RHBDL2: variants seen among roughly 807,000 people sequenced by gnomAD.
The protein encoded by RHBDL2 is rhomboid like 2.
A neutral mutation model predicts 31.7 loss-of-function variants in RHBDL2; 26 were observed. The ratio of observed to expected loss-of-function variants is 0.82; its 90% CI spans 0.60 to 1.14. RHBDL2 has a LOEUF of 1.14. Ranked by LOEUF, RHBDL2 falls within the 50% of genes most tolerant of loss-of-function variation. The pLI is 0.00. For synonymous variants in RHBDL2, 123 were observed against 127.2 expected (o/e 0.97, Z 0.22); for missense variants, 336 against 364.4 (o/e 0.92, Z 0.63).
chr1:38,886,456 T>A lies in RHBDL2; in HGVS notation c.*48A>T. On this transcript the variant is annotated 3_prime_UTR_variant, in exon 8 of 8. Transcript: ENST00000372990. ...TCATAGAGTCTTCCTTTTTTTTTTA[T>A]TTCCTCCAGATGGCTCTTTTTATTA... is the stretch of plus-strand genomic sequence containing the variant. 7.4e-7 allele frequency: 1 copy of A among 1,353,142 alleles called. No individual in the cohort carries two copies. Among genetic ancestry groups the A allele is most frequent in the Non-Finnish European group, 9.9e-7 (1 of 1,009,822 alleles). 83.8% of individuals were successfully genotyped at this position (1,353,142 alleles called of 1,614,324 possible).
intron 6 of RHBDL2, among the ~76,000 whole-genome samples, chr1:38,891,244 G>A: frequency 8.2e-6 from 1 of 121,956 alleles, no homozygotes. Flanking sequence ...CTGGGCAACA[G>A]AGCGAGACTC....
chr1:38,935,207 T>C (rs887966004), intron 1 of RHBDL2, among the ~76,000 whole-genome samples: 1 of 152,142 alleles, frequency 6.6e-6, no homozygotes, highest in Non-Finnish European at 1.5e-5. Context: ...TCAAACCAAT[T>C]AGCCAAATCA....
In RHBDL2 at chr1:38,940,523, C is replaced by T. The variant is rs1396244252; in HGVS notation, c.-126+1159G>A. ...CTTCCCTCTCCCTTCACCACTCCAC[C>T]CGTCACTGGCCAGTTCTGTTTACAC... On this transcript the variant is annotated intron_variant, in intron 1 of 7. Transcript: ENST00000372990. 2.6e-5 allele frequency among the ~76,000 whole-genome samples: 4 copies of T among 152,268 alleles called. No homozygotes were observed. In the East Asian group the frequency reaches 7.7e-4, roughly 29 times the overall value.
chr1:38,936,172 G>A (rs1176351644), intron 1 of RHBDL2, among the ~76,000 whole-genome samples: 2 of 152,020 alleles, frequency 1.3e-5, no homozygotes, highest in African/African-American at 2.4e-5. Flanking sequence ...CTAAGTGCTG[G>A]GATTGGAGGA....
intron 4 of RHBDL2, among the ~76,000 whole-genome samples, chr1:38,902,753 A>G (rs571086858): frequency 2.6e-4 from 40 of 151,812 alleles, no homozygotes; most frequent in African/African-American, 9.2e-4. Flanking sequence ...GGGTTTAACC[A>G]TGTTGCCCAG....
intron 1 of RHBDL2, among the ~76,000 whole-genome samples, chr1:38,927,966 T>G (rs1387648440): frequency 6.6e-6 from 1 of 152,078 alleles, no homozygotes; most frequent in South Asian, 2.1e-4. Context: ...AGCCCCCACA[T>G]GTTCCACAGC....
chr1:38,922,856 C>T (rs1365082130), intron 1 of RHBDL2, among the ~76,000 whole-genome samples: 1 of 152,126 alleles, frequency 6.6e-6, no homozygotes, highest in Non-Finnish European at 1.5e-5. Flanking sequence ...CTTTGGGAGG[C>T]CGAGGTCGGT....
intron 2 of RHBDL2, among the ~76,000 whole-genome samples, chr1:38,916,869 C>CAA (rs71057164): frequency 1.8e-3 from 199 of 113,320 alleles, no homozygotes; most frequent in South Asian, 8.0e-3. Flanking sequence ...GACTCCATCT[C>CAA]AAAAAAAAAA....
At chr1:38,921,986 T>C in intron 1 of RHBDL2, among the ~76,000 whole-genome samples, 1 of 152,246 alleles carries the variant, frequency 6.6e-6, no homozygotes, top group East Asian at 1.9e-4. Context: ...TTGTTAACAA[T>C]ACAACTGTAT....
intron 4 of RHBDL2, 69 bp downstream of exon 4, chr1:38,911,253 G>T: frequency 2.0e-6 from 2 of 1,005,842 alleles, no homozygotes; most frequent in Non-Finnish European, 3.1e-6. Flanking sequence ...TACTATAAGT[G>T]TGTATTTCAT....
At position 38,886,509 on chromosome 1, in the gene RHBDL2, T is replaced by A; in HGVS notation, c.907A>T (p.Asn303Tyr). 2 of 1,577,072 alleles carry A rather than the reference T, an allele frequency of 1.3e-6. No individual in the cohort carries two copies. Among genetic ancestry groups the A allele is most frequent in the South Asian group, 2.3e-5 (2 of 86,006 alleles). ...VFFNIFLSPA[N>Y] ...TGACTTACAATAGGGGCAGGTCAGTTTGCTGGAGATAGGAAAATGTTGAAA... is the reference window on the plus strand; with the variant it reads ...TGACTTACAATAGGGGCAGGTCAGTATGCTGGAGATAGGAAAATGTTGAAA... The change falls in exon 8 of 8, where the codon AAC becomes TAC. Residue 303 changes from asparagine (N) to tyrosine (Y), a missense_variant. Physicochemically the swap from Asn to Tyr is moderately radical, Grantham distance 143. Coordinates refer to ENST00000372990, the MANE Select transcript of RHBDL2 (RefSeq NM_017821.5).
At position 38,919,325 on chromosome 1, in the gene RHBDL2, T is replaced by C. The variant is rs1416145966; in HGVS notation, c.-113A>G. On this transcript the variant is annotated 5_prime_UTR_variant, in exon 2 of 8. Transcript: ENST00000372990. ...GGGCTGTCTGGCGCAACGACTGCTT[T>C]CCAAGGCCTTTCCTGTATGTGAAGA... The C allele has an allele frequency of 6.3e-7, 1 of 1,598,488 alleles. No homozygotes were observed. The highest frequency in any genetic ancestry group is 2.2e-5 in the East Asian group (1 of 44,724).
intron 4 of RHBDL2, among the ~76,000 whole-genome samples, chr1:38,899,285 C>T (rs1642959020): frequency 6.6e-6 from 1 of 152,200 alleles, no homozygotes; most frequent in South Asian, 2.1e-4. Context: ...ACTCAGACGA[C>T]AACCAGAGGG....
At chr1:38,909,742 A>C (rs1429578780) in intron 4 of RHBDL2, among the ~76,000 whole-genome samples, 1 of 152,150 alleles carries the variant, frequency 6.6e-6, no homozygotes, top group Non-Finnish European at 1.5e-5. Flanking sequence ...ACTCCATCTC[A>C]AAATAAATAA....
chr1:38,903,002 T>C (rs571550248), intron 4 of RHBDL2, among the ~76,000 whole-genome samples: 25 of 152,192 alleles, frequency 1.6e-4, no homozygotes, highest in Non-Finnish European at 2.9e-4. Context: ...TAATAATCTA[T>C]GTAGAAAATC....
rs569432561 is a variant in RHBDL2 at position 38,910,431 on chromosome 1, T to C, written c.508+891A>G. ...AATTATCGCAAAATTAAAAGTTTAA[T>C]TTTTTAAAAAAATGTTTCCAATAAA... On this transcript the variant is annotated intron_variant, in intron 4 of 7. Coordinates refer to ENST00000372990, the MANE Select transcript of RHBDL2 (RefSeq NM_017821.5). Among the ~76,000 whole-genome samples the C allele has an allele frequency of 1.6e-3, 246 of 152,314 alleles. 2 individuals carry two copies. Among genetic ancestry groups the C allele is most frequent in the Admixed American group, 3.9e-3 (60 of 15,284 alleles).
At chr1:38,932,061 C>A (rs1007262659) in intron 1 of RHBDL2, among the ~76,000 whole-genome samples, 1 of 152,084 alleles carries the variant, frequency 6.6e-6, no homozygotes, top group Non-Finnish European at 1.5e-5. Context: ...CACTTTTGCT[C>A]CTTTGGGAAT....
chr1:38,919,237 AG>A lies in RHBDL2; in HGVS notation c.-26del. 6.2e-7 allele frequency: 1 copy of A among 1,613,918 alleles called. No individual in the cohort carries two copies. Among genetic ancestry groups the A allele is most frequent in the Admixed American group, 1.7e-5 (1 of 60,006 alleles). ...TTGTCCTGGGTCCTCCCTCCTCCCCAGAAGGACATGAATCCCAGGGAACAGC... is the reference window on the plus strand; with the variant it reads ...TTGTCCTGGGTCCTCCCTCCTCCCCAAAGGACATGAATCCCAGGGAACAGC... On this transcript the variant is annotated 5_prime_UTR_variant, in exon 2 of 8. Transcript: ENST00000372990.
intron 7 of RHBDL2, among the ~76,000 whole-genome samples, chr1:38,887,173 A>C (rs1463187425): frequency 6.6e-6 from 1 of 152,178 alleles, no homozygotes; most frequent in Non-Finnish European, 1.5e-5. Flanking sequence ...TTGTCAACTT[A>C]TAGAACTCAA....
Sources: allele counts gnomAD v4.1 joint callset (sites outside exome capture counted in the v4.1 genomes callset), GRCh38; gene constraint gnomAD v4.1.1; transcripts MANE v1.5; gene names NCBI Gene and HGNC (gene_info 2026-07-23, HGNC 2026-07-21).